Variants in ATG4C observed in about 807,000 individuals in gnomAD.
ATG4C encodes the protein autophagy related 4C cysteine peptidase.
A neutral mutation model predicts 57.6 loss-of-function variants in ATG4C; 56 were observed. The observed-to-expected ratio is 0.97, with a 90% confidence interval of 0.78 to 1.21. ATG4C has a LOEUF of 1.21. Ranked by LOEUF, ATG4C falls within the 50% of genes most tolerant of loss-of-function variation. ATG4C has a pLI of 0.00. For missense variants in ATG4C, 595 were observed against 529.8 expected (o/e 1.12, Z -1.21); for synonymous variants, 157 against 174.1 (o/e 0.90, Z 0.78).
At chr1:62,790,728 A>G (rs753798995) in intron 1 of ATG4C, among the ~76,000 whole-genome samples, 47 of 152,348 alleles carry the variant, frequency 3.1e-4, no homozygotes, top group Admixed American at 1.6e-3. Flanking sequence ...ATTAAGTTTT[A>G]AGACTTGTAA....
At chr1:62,858,279 A>G (rs1666745484) in intron 10 of ATG4C, among the ~76,000 whole-genome samples, 1 of 152,194 alleles carries the variant, frequency 6.6e-6, no homozygotes, top group African/African-American at 2.4e-5. Flanking sequence ...GATCAATTTA[A>G]GTTGATGTTG....
In ATG4C at chr1:62,834,787, A is replaced by G. The variant is rs760773810; in HGVS notation, c.1024A>G (p.Ile342Val). 4.3e-6 allele frequency: 7 copies of G among 1,611,702 alleles called. No individual in the cohort carries two copies. Among genetic ancestry groups the G allele is most frequent in the Non-Finnish European group, 5.9e-6 (7 of 1,178,414 alleles). Reference protein sequence around the residue: ...YFAGFQDDSLIYMDPHYCQSF... With the variant: ...YFAGFQDDSLVYMDPHYCQSF... ...TTTTGTCCTTGTAGATGACAGTTTG[A>G]TTTACATGGATCCTCATTACTGCCA... The change falls in exon 9 of 11, where the codon ATT (isoleucine) becomes GTT (valine). Residue 342 changes from isoleucine to valine, a missense_variant. Physicochemically the swap from Ile to Val is conservative, Grantham distance 29. Coordinates refer to ENST00000317868, the MANE Select transcript of ATG4C (RefSeq NM_032852.4).
intron 1 of ATG4C, among the ~76,000 whole-genome samples, chr1:62,791,958 A>T (rs1664288291): frequency 6.6e-6 from 1 of 151,966 alleles, no homozygotes; most frequent in Non-Finnish European, 1.5e-5. Flanking sequence ...TATTTGTATG[A>T]TGTTGCTCGG....
At chr1:62,806,491 T>C (rs572222569) in intron 3 of ATG4C, among the ~76,000 whole-genome samples, 3 of 152,148 alleles carry the variant, frequency 2.0e-5, no homozygotes, top group South Asian at 4.1e-4. Flanking sequence ...TAAAAACTTA[T>C]TAGAATTATT....
At chr1:62,789,838 A>T (rs1465381450) in intron 1 of ATG4C, among the ~76,000 whole-genome samples, 1 of 151,974 alleles carries the variant, frequency 6.6e-6, no homozygotes, top group Non-Finnish European at 1.5e-5. Context: ...AATAAAAGAA[A>T]TGAAGATCTG....
intron 1 of ATG4C, among the ~76,000 whole-genome samples, chr1:62,792,660 C>T (rs1209863703): frequency 1.3e-5 from 2 of 152,160 alleles, no homozygotes; most frequent in Non-Finnish European, 2.9e-5. Flanking sequence ...CAGTTTAAAA[C>T]ATCATCAGGC....
chr1:62,829,249 T>A, intron 7 of ATG4C, 73 bp downstream of exon 7: 1 of 1,536,434 alleles, frequency 6.5e-7, no homozygotes, highest in Non-Finnish European at 8.9e-7. Flanking sequence ...TTGCAATTTT[T>A]TTCTGTTAAA....
intron 1 of ATG4C, among the ~76,000 whole-genome samples, chr1:62,793,493 G>C (rs1664353530): frequency 6.8e-6 from 1 of 147,638 alleles, no homozygotes; most frequent in Non-Finnish European, 1.5e-5. Context: ...CCTGCCTGTA[G>C]TCCCAACTAC....
chr1:62,803,624 C>T (rs1250417836), intron 1 of ATG4C, 95 bp from the exon 2 acceptor site: 5 of 405,084 alleles, frequency 1.2e-5, no homozygotes, highest in Non-Finnish European at 2.3e-5. Context: ...ATTTGCAGTT[C>T]AAACTGTATT....
At position 62,818,987 on chromosome 1, in the gene ATG4C, G is replaced by T; in HGVS notation, c.395-18G>T. ...TCTATTTAAAAGATCTGAACACTTT[G>T]CTTTGGAACTACTATAGCTTGGACC... On this transcript the variant is annotated intron_variant, in intron 4 of 10. Transcript: ENST00000317868. 6.7e-7 allele frequency: 1 copy of T among 1,498,490 alleles called. No individual in the cohort carries two copies. The highest frequency in any genetic ancestry group is 8.9e-7 in the Non-Finnish European group (1 of 1,125,396). 92.8% of individuals were successfully genotyped at this position (1,498,490 alleles called of 1,614,324 possible).
intron 10 of ATG4C, among the ~76,000 whole-genome samples, chr1:62,861,614 CACACACACACACAGAGAG>C (rs1666859481): frequency 3.2e-5 from 2 of 61,856 alleles, no homozygotes; most frequent in Non-Finnish European, 7.8e-5. Context: ...CACACACACA[CACACACACACACAGAGAG>C]ACACAAACAC....
chr1:62,826,081 G>A (rs544686771), intron 6 of ATG4C, among the ~76,000 whole-genome samples: 1 of 150,464 alleles, frequency 6.6e-6, no homozygotes, highest in African/African-American at 2.4e-5. Flanking sequence ...CTAATTTTTT[G>A]TATTTTTAGT....
chr1:62,807,910 G>C (rs2100301144), intron 3 of ATG4C, among the ~76,000 whole-genome samples: 1 of 152,286 alleles, frequency 6.6e-6, no homozygotes, highest in Non-Finnish European at 1.5e-5. Context: ...CTGAAGTGGA[G>C]ATTGATCTTA....
chr1:62,809,476 T>C (rs1468175188), intron 3 of ATG4C, among the ~76,000 whole-genome samples: 1 of 147,206 alleles, frequency 6.8e-6, no homozygotes, highest in Non-Finnish European at 1.5e-5. Flanking sequence ...TAAATACATA[T>C]AGACATATAT....
chr1:62,812,533 T>C (rs1392646797), intron 3 of ATG4C, among the ~76,000 whole-genome samples: 1 of 152,202 alleles, frequency 6.6e-6, no homozygotes, highest in Non-Finnish European at 1.5e-5. Flanking sequence ...GGGCAAAAGC[T>C]GGAAGCATTC....
chr1:62,803,522 T>C (rs1664752897), intron 1 of ATG4C, among the ~76,000 whole-genome samples, 197 bp from the exon 2 acceptor site: 1 of 152,216 alleles, frequency 6.6e-6, no homozygotes, highest in African/African-American at 2.4e-5. Flanking sequence ...AATTAAAATA[T>C]AGAATATCTT....
At chr1:62,792,499 A>G (rs1664311229) in intron 1 of ATG4C, among the ~76,000 whole-genome samples, 1 of 152,210 alleles carries the variant, frequency 6.6e-6, no homozygotes, top group African/African-American at 2.4e-5. Context: ...TACAACCAGG[A>G]CCAGTTAGTG....
At chr1:62,786,821 T>C (rs560139731) in intron 1 of ATG4C, among the ~76,000 whole-genome samples, 1 of 152,226 alleles carries the variant, frequency 6.6e-6, no homozygotes, top group East Asian at 1.9e-4. Context: ...AAAAAAGGAC[T>C]TGATGTTACA....
intron 1 of ATG4C, among the ~76,000 whole-genome samples, chr1:62,797,507 G>GA (rs1242751363): frequency 6.6e-6 from 1 of 152,072 alleles, no homozygotes; most frequent in Non-Finnish European, 1.5e-5. Flanking sequence ...CTCTTGTGAT[G>GA]AAAAAATTCA....
Sources: allele counts gnomAD v4.1 joint callset (sites outside exome capture counted in the v4.1 genomes callset), GRCh38; gene constraint gnomAD v4.1.1; transcripts MANE v1.5; gene names NCBI Gene and HGNC (gene_info 2026-07-23, HGNC 2026-07-21).